Variants in EPS8 observed in about 807,000 individuals in gnomAD.
The protein encoded by EPS8 is EGFR pathway substrate 8, signaling adaptor, also known as epidermal growth factor receptor kinase substrate 8.
EPS8 carries 42 observed loss-of-function variants against 103.8 expected under a neutral mutation model. The observed-to-expected ratio is 0.40, with a 90% confidence interval of 0.32 to 0.52. The LOEUF is 0.52. Ranked by LOEUF, EPS8 falls within the 20% of genes least tolerant of loss-of-function variation. The pLI is 0.40. For synonymous variants in EPS8, 344 were observed against 344.6 expected (o/e 1.00, Z 0.02); for missense variants, 969 against 1,005.1 (o/e 0.96, Z 0.49).
intron 17 of EPS8, among the ~76,000 whole-genome samples, chr12:15,636,400 A>G (rs966864424): frequency 6.6e-6 from 1 of 152,108 alleles, no homozygotes; most frequent in Non-Finnish European, 1.5e-5. Context: ...TGCTGAAGCC[A>G]TGGGGGAAAT....
At position 15,767,150 on chromosome 12, in the gene EPS8, T is replaced by C. The variant is rs1403762100; in HGVS notation, c.-22+22011A>G. On this transcript the variant is annotated intron_variant, in intron 1 of 20. Transcript: ENST00000281172. The surrounding 1 kb of genome is among the most constrained non-coding windows in gnomAD (Gnocchi z 5.5). ...CAAGAGATTGCATGACTACTTCTAATATTCTACTCAAAAAATAACTGTATG... is the reference window on the plus strand; with the variant it reads ...CAAGAGATTGCATGACTACTTCTAACATTCTACTCAAAAAATAACTGTATG... Among the ~76,000 whole-genome samples the C allele has an allele frequency of 6.6e-6, 1 of 152,332 alleles. No individual in the cohort carries two copies.
chr12:15,621,881 ATGCT>A (rs1218047243), intron 20 of EPS8, among the ~76,000 whole-genome samples: 1 of 152,180 alleles, frequency 6.6e-6, no homozygotes, highest in Non-Finnish European at 1.5e-5. Context: ...CCCTCCGACC[ATGCT>A]GGCTTTTCTC....
At position 15,747,128 on chromosome 12, in the gene EPS8, A is replaced by G. The variant is rs1249362156; in HGVS notation, c.-22+42033T>C. Among the ~76,000 whole-genome samples the G allele has an allele frequency of 6.6e-6, 1 of 152,240 alleles. No homozygotes were observed. The highest frequency in any genetic ancestry group is 6.5e-5 in the Admixed American group (1 of 15,282). ...ACAAAGTAAAATTATCTCAATGCAT[A>G]AAGCCAACCTAGTAACCCTCAATAA... On this transcript the variant is annotated intron_variant, in intron 1 of 20. Coordinates refer to ENST00000281172, the MANE Select transcript of EPS8 (RefSeq NM_004447.6). The surrounding 1 kb of genome is among the most constrained non-coding windows in gnomAD (Gnocchi z 4.4).
chr12:15,732,526 A>G (rs767167284), intron 1 of EPS8, among the ~76,000 whole-genome samples: 1 of 152,220 alleles, frequency 6.6e-6, no homozygotes, highest in Non-Finnish European at 1.5e-5. Flanking sequence ...ATGCATGCCC[A>G]AAACTAAACA....
chr12:15,652,871 T>G (rs1945439585), intron 13 of EPS8, among the ~76,000 whole-genome samples: 1 of 152,132 alleles, frequency 6.6e-6, no homozygotes, highest in Admixed American at 6.6e-5. Context: ...CCATGACTCT[T>G]AAGCTAGCCC....
intron 1 of EPS8, among the ~76,000 whole-genome samples, chr12:15,719,410 C>T (rs1433896366): frequency 6.6e-6 from 1 of 152,102 alleles, no homozygotes; most frequent in African/African-American, 2.4e-5. Flanking sequence ...TAAATTTGCA[C>T]ATCAAATGAT....
chr12:15,679,784 TGAAATGAATGAAAGCACATA>T (rs1305021195), intron 3 of EPS8, among the ~76,000 whole-genome samples: 5 of 152,232 alleles, frequency 3.3e-5, no homozygotes, highest in Middle Eastern at 6.3e-3. Context: ...TAGTCATCTT[TGAAATGAATGAAAGCACATA>T]GAAATAAAGA....
At chr12:15,766,786 C>A (rs1461333393) in intron 1 of EPS8, among the ~76,000 whole-genome samples, 1 of 152,074 alleles carries the variant, frequency 6.6e-6, no homozygotes, top group African/African-American at 2.4e-5. Flanking sequence ...CAGGCTTAAG[C>A]ATATAAAGTA....
chr12:15,640,308 T>C (rs187661491), intron 17 of EPS8, among the ~76,000 whole-genome samples: 1 of 152,310 alleles, frequency 6.6e-6, no homozygotes, highest in East Asian at 1.9e-4. Context: ...AAGCAAGGGC[T>C]GGTGAAGGTG....
intron 1 of EPS8, among the ~76,000 whole-genome samples, chr12:15,756,143 T>C (rs1311861137): frequency 1.3e-5 from 2 of 152,168 alleles, no homozygotes; most frequent in African/African-American, 2.4e-5. Context: ...GCCAGTTACT[T>C]AGGAAAAAAT....
In EPS8 at chr12:15,692,903, T is replaced by C. The variant is rs575085134; in HGVS notation, c.-21-9931A>G. ...CTTATTTTCTGATTACAGTATATTC[T>C]CTGATCTTTCTGAGAATATCCATGA... On this transcript the variant is annotated intron_variant, in intron 1 of 20. Coordinates refer to ENST00000281172, the MANE Select transcript of EPS8 (RefSeq NM_004447.6). Among the ~76,000 whole-genome samples the C allele has an allele frequency of 6.6e-4, 100 of 152,340 alleles. No homozygotes were observed. In the South Asian group the frequency reaches 8.1e-3, roughly 12 times the overall value.
At chr12:15,707,027 T>C (rs1218523323) in intron 1 of EPS8, among the ~76,000 whole-genome samples, 1 of 152,200 alleles carries the variant, frequency 6.6e-6, no homozygotes, top group African/African-American at 2.4e-5. Flanking sequence ...AATCGAAGTA[T>C]GCAAAACCCC....
At chr12:15,664,037 A>T (rs1945665381) in intron 8 of EPS8, among the ~76,000 whole-genome samples, 1 of 146,676 alleles carries the variant, frequency 6.8e-6, no homozygotes, top group Non-Finnish European at 1.5e-5. Context: ...TATATATATT[A>T]GGTTCAACAT....
At chr12:15,773,054 C>T (rs1947170496) in intron 1 of EPS8, among the ~76,000 whole-genome samples, 1 of 151,986 alleles carries the variant, frequency 6.6e-6, no homozygotes, top group Non-Finnish European at 1.5e-5. Flanking sequence ...AAGAGGAAAC[C>T]ATAGACATTA....
In EPS8 at chr12:15,651,081, G is replaced by A. The variant is rs1945406626; in HGVS notation, c.1251-75C>T. The A allele has an allele frequency of 9.0e-6, 11 of 1,218,590 alleles. No individual in the cohort carries two copies. In the Middle Eastern group the frequency reaches 7.8e-4, roughly 86 times the overall value. The allele number at this position is 1,218,590 out of a possible 1,614,324, so 75.5% of individuals were successfully genotyped here. A position where few individuals can be genotyped will look rare whatever the true frequency, so the allele number is the denominator to read the frequency against. On this transcript the variant is annotated intron_variant, in intron 13 of 20. Transcript: ENST00000281172. ...CATGCTCACAGTTATCTTCAGTAAG[G>A]CTAGACATACACACGCACACACACA...
chr12:15,651,618 A>G (rs1183746138), intron 13 of EPS8, among the ~76,000 whole-genome samples: 1 of 152,228 alleles, frequency 6.6e-6, no homozygotes, highest in African/African-American at 2.4e-5. Flanking sequence ...TCATTTAATG[A>G]CACTGAGTGA....
In EPS8 at chr12:15,731,370, C is replaced by T. The variant is rs1946714548; in HGVS notation, c.-21-48398G>A. ...CTGAAGTGCAATGGCACAATCTCGGCTCACTGCAACCTCAGCTTCCCAGGT... is the reference window on the plus strand; with the variant it reads ...CTGAAGTGCAATGGCACAATCTCGGTTCACTGCAACCTCAGCTTCCCAGGT... On this transcript the variant is annotated intron_variant, in intron 1 of 20. Transcript: ENST00000281172. The surrounding 1 kb of genome is among the most constrained non-coding windows in gnomAD (Gnocchi z 5.1). Among the ~76,000 whole-genome samples the T allele has an allele frequency of 6.6e-6, 1 of 152,098 alleles. No individual in the cohort carries two copies. Among genetic ancestry groups the T allele is most frequent in the South Asian group, 2.1e-4 (1 of 4,828 alleles).
intron 15 of EPS8, among the ~76,000 whole-genome samples, chr12:15,644,421 G>A (rs552069525): frequency 5.9e-5 from 9 of 152,144 alleles, no homozygotes; most frequent in South Asian, 2.1e-4. Flanking sequence ...TTTGCCAGGC[G>A]TGGTGGCTCA....
At chr12:15,672,817 C>A (rs911905185) in intron 3 of EPS8, among the ~76,000 whole-genome samples, 2 of 152,170 alleles carry the variant, frequency 1.3e-5, no homozygotes, top group Non-Finnish European at 2.9e-5. Flanking sequence ...ACACAACTGT[C>A]CACGATAGAT....
Sources: allele counts gnomAD v4.1 joint callset (sites outside exome capture counted in the v4.1 genomes callset), GRCh38; gene constraint gnomAD v4.1.1; non-coding constraint Gnocchi (gnomAD v3.1); transcripts MANE v1.5; gene names NCBI Gene and HGNC (gene_info 2026-07-23, HGNC 2026-07-21).